The following ADAM9 variants were observed in gnomAD, a reference collection of about 807,000 sequenced individuals.
ADAM9 encodes the protein disintegrin and metalloproteinase domain-containing protein 9.
ADAM9 carries 54 observed loss-of-function variants against 108.1 expected under a neutral mutation model. That is an observed-to-expected ratio of 0.50 (90% CI 0.40 to 0.63). ADAM9 has a LOEUF of 0.63. Ranked by LOEUF, ADAM9 falls within the 20% of genes least tolerant of loss-of-function variation. The probability of loss-of-function intolerance (pLI) is 0.00; values close to 1 mark genes in which losing one functional copy is unlikely to be tolerated. For missense variants in ADAM9, 830 were observed against 997.7 expected (o/e 0.83, Z 2.26); for synonymous variants, 316 against 336.0 (o/e 0.94, Z 0.65).
chr8:39,005,705 G>C (rs767606496), intron 1 of ADAM9, among the ~76,000 whole-genome samples: 1 of 152,206 alleles, frequency 6.6e-6, no homozygotes, highest in Non-Finnish European at 1.5e-5. Context: ...AATGTCAGGT[G>C]TACTATAGTT....
At chr8:39,073,865 C>A (rs1330463810) in intron 15 of ADAM9, among the ~76,000 whole-genome samples, 1 of 152,110 alleles carries the variant, frequency 6.6e-6, no homozygotes, top group African/African-American at 2.4e-5. Context: ...ACAATATAGT[C>A]ATTAAGAATA....
At chr8:39,063,723 A>G (rs1838367396) in intron 14 of ADAM9, among the ~76,000 whole-genome samples, 1 of 152,178 alleles carries the variant, frequency 6.6e-6, no homozygotes, top group Non-Finnish European at 1.5e-5. Flanking sequence ...CTCTGTCTCA[A>G]AACAAACAAA....
intron 11 of ADAM9, among the ~76,000 whole-genome samples, chr8:39,031,280 T>C (rs1343760731): frequency 1.3e-5 from 2 of 152,362 alleles, no homozygotes; most frequent in East Asian, 3.9e-4. Flanking sequence ...TTTTTGCATA[T>C]GAATATCTAA....
At chr8:39,076,609 T>C (rs1838857006) in intron 15 of ADAM9, among the ~76,000 whole-genome samples, 1 of 152,198 alleles carries the variant, frequency 6.6e-6, no homozygotes, top group Admixed American at 6.5e-5. Context: ...AGAGTTATTG[T>C]TGGAAATACC....
intron 1 of ADAM9, among the ~76,000 whole-genome samples, chr8:39,006,217 C>T (rs1276111082): frequency 1.3e-5 from 2 of 152,126 alleles, no homozygotes; most frequent in Non-Finnish European, 2.9e-5. Flanking sequence ...CCAGTTTCTC[C>T]AGTTGTGTCC....
At chr8:39,057,312 A>G (rs973612281) in intron 14 of ADAM9, among the ~76,000 whole-genome samples, 2 of 150,196 alleles carry the variant, frequency 1.3e-5, no homozygotes, top group African/African-American at 4.9e-5. Flanking sequence ...TATAATCTGG[A>G]GGAATTATTA....
Position 39,104,310 on chromosome 8 carries a change from AAG to A in ADAM9, c.*613_*614del, listed in dbSNP as rs1448479332. On this transcript the variant is annotated 3_prime_UTR_variant, in exon 22 of 22. Coordinates refer to ENST00000487273, the MANE Select transcript of ADAM9 (RefSeq NM_003816.3). ...ATTTTGAAAGTACAAAATATACTAAAAGAGTGTGTGTGTATTCACGCAGTTAC... is the reference window on the plus strand; with the variant it reads ...ATTTTGAAAGTACAAAATATACTAAAAGTGTGTGTGTATTCACGCAGTTAC... 25 of 453,078 alleles carry A rather than the reference AAG, an allele frequency of 5.5e-5. 2 individuals are homozygous for A. Among genetic ancestry groups the A allele is most frequent in the African/African-American group, 2.0e-4 (10 of 50,134 alleles). The allele number at this position is 453,078 out of a possible 1,614,324, so 28.1% of individuals were successfully genotyped here. A position where few individuals can be genotyped will look rare whatever the true frequency, so the allele number is the denominator to read the frequency against.
rs1838340523 is a variant in ADAM9 at position 39,062,853 on chromosome 8, A to T, written c.1591+7081A>T. ...GGATTCTTCCAGGGTGGGTAAATAC[A>T]TCTTAAGTGACAAATCGACTCAAAC... On this transcript the variant is annotated intron_variant, in intron 14 of 21. Transcript: ENST00000487273. 3.3e-5 allele frequency among the ~76,000 whole-genome samples: 5 copies of T among 152,286 alleles called. No individual in the cohort carries two copies. The South Asian group carries it at 8.3e-4, about 25-fold the overall frequency.
At chr8:39,049,670 C>G (rs1313910711) in intron 12 of ADAM9, among the ~76,000 whole-genome samples, 1 of 152,046 alleles carries the variant, frequency 6.6e-6, no homozygotes, top group African/African-American at 2.4e-5. Context: ...AACTCCTGAC[C>G]TCAAGTGATC....
intron 2 of ADAM9, among the ~76,000 whole-genome samples, 165 bp downstream of exon 2, chr8:39,008,148 A>G (rs1836224200): frequency 6.6e-6 from 1 of 151,926 alleles, no homozygotes; most frequent in Non-Finnish European, 1.5e-5. Context: ...ATGCTAGTAA[A>G]AGCAACATAT....
intron 18 of ADAM9, among the ~76,000 whole-genome samples, chr8:39,084,837 G>C (rs1428114573): frequency 1.3e-5 from 2 of 152,016 alleles, no homozygotes; most frequent in Non-Finnish European, 2.9e-5. Context: ...TCTCTTAATA[G>C]TTCTATCAAT....
At chr8:39,087,557 C>G (rs990636101) in intron 18 of ADAM9, among the ~76,000 whole-genome samples, 1 of 152,100 alleles carries the variant, frequency 6.6e-6, no homozygotes, top group East Asian at 1.9e-4. Context: ...ATGCATTTTT[C>G]CAATTGAAGA....
intron 1 of ADAM9, 105 bp downstream of exon 1, chr8:38,997,265 C>A: frequency 7.4e-7 from 1 of 1,348,988 alleles, no homozygotes; most frequent in Non-Finnish European, 1.0e-6. Context: ...GCCTGGGGAT[C>A]GGACCCGGGG....
intron 3 of ADAM9, 150 bp downstream of exon 3, chr8:39,011,866 C>T: frequency 1.4e-6 from 1 of 731,884 alleles, no homozygotes; most frequent in Middle Eastern, 2.5e-4. Flanking sequence ...TGGCAGCTGG[C>T]TGGGCAGGCA....
chr8:39,062,571 T>G (rs1564333040), intron 14 of ADAM9, among the ~76,000 whole-genome samples: 1 of 152,144 alleles, frequency 6.6e-6, no homozygotes, highest in Non-Finnish European at 1.5e-5. Context: ...TGCTCTCCAT[T>G]ATGGTAACCT....
chr8:39,075,439 G>T (rs1401244408), intron 15 of ADAM9, among the ~76,000 whole-genome samples: 1 of 152,184 alleles, frequency 6.6e-6, no homozygotes, highest in Admixed American at 6.5e-5. Flanking sequence ...TTCCTGACCA[G>T]TGTTTCACTT....
At chr8:39,036,411 G>A (rs555049361) in intron 11 of ADAM9, among the ~76,000 whole-genome samples, 13 of 152,136 alleles carry the variant, frequency 8.5e-5, no homozygotes, top group Non-Finnish European at 1.5e-4. Flanking sequence ...TAGTAATGGT[G>A]AAAATTGTGT....
intron 13 of ADAM9, among the ~76,000 whole-genome samples, chr8:39,054,819 G>A (rs373996736): frequency 2.0e-5 from 3 of 151,928 alleles, no homozygotes; most frequent in East Asian, 1.9e-4. Flanking sequence ...ATGCCTGTTA[G>A]AAATAATTAA....
chr8:39,078,362 CA>C lies in ADAM9; in HGVS notation c.1881+968del, dbSNP rs56899480. ...TAGGCAGCAGAGGAAGACTCTGTCT[CA>C]AAAAAAAAAAAAAAAATTGTGCTGA... On this transcript the variant is annotated intron_variant, in intron 16 of 21. Transcript: ENST00000487273. Among the ~76,000 whole-genome samples, 215 of 132,142 alleles carry C rather than the reference CA, an allele frequency of 1.6e-3. 1 individual carries two copies. Among genetic ancestry groups the C allele is most frequent in the Non-Finnish European group, 1.9e-3 (118 of 60,750 alleles). The allele number at this position is 132,142 out of a possible 152,430, so 86.7% of individuals were successfully genotyped here.
Sources: gnomAD v4.1 joint callset for allele counts (sites outside exome capture counted in the v4.1 genomes callset) on GRCh38, gnomAD v4.1.1 for gene constraint, MANE v1.5 for transcripts, NCBI Gene and HGNC (gene_info 2026-07-23, HGNC 2026-07-21) for gene names.